Variants in SPATS2L observed in about 807,000 individuals in gnomAD.
SPATS2L encodes spermatogenesis associated serine rich 2 like, also known as SPATS2-like protein.
Under a neutral mutation model 59.6 loss-of-function variants are expected in SPATS2L, and 30 were observed. The ratio of observed to expected loss-of-function variants is 0.50; its 90% CI spans 0.38 to 0.68. SPATS2L has a LOEUF of 0.68. SPATS2L is among the 30% of genes least tolerant of loss of function. The pLI is 0.00. For missense variants in SPATS2L, 615 were observed against 700.0 expected (o/e 0.88, Z 1.37); for synonymous variants, 252 against 263.5 (o/e 0.96, Z 0.42).
rs536019267 is a variant in SPATS2L at position 200,347,711 on chromosome 2, A to C, written c.-23+18231A>C. Reference sequence around the variant, plus strand: ...GGGGGTGGATGGATACTGAATGATCATACTACAAATGTCCACCCCACCAAG... The same window carrying C: ...GGGGGTGGATGGATACTGAATGATCCTACTACAAATGTCCACCCCACCAAG... On this transcript the variant is annotated intron_variant, in intron 2 of 12. Coordinates refer to ENST00000409140, the MANE Select transcript of SPATS2L (RefSeq NM_001100423.2). Among the ~76,000 whole-genome samples the C allele has an allele frequency of 2.6e-5, 4 of 152,346 alleles. No homozygotes were observed. The South Asian group carries it at 8.3e-4, about 32-fold the overall frequency.
At chr2:200,308,977 G>T in intron 1 of SPATS2L, 1 of 712,852 alleles carries the variant, frequency 1.4e-6, no homozygotes, top group South Asian at 1.5e-5. Context: ...CTGTGGGCTT[G>T]AGAAGCTGCT....
At chr2:200,431,981 T>C (rs913748338) in intron 6 of SPATS2L, among the ~76,000 whole-genome samples, 8 of 152,252 alleles carry the variant, frequency 5.3e-5, no homozygotes, top group Admixed American at 4.6e-4. Flanking sequence ...ATGAAAACAA[T>C]TGCAGGCACT....
At chr2:200,473,236 G>A (rs542192533) in intron 12 of SPATS2L, among the ~76,000 whole-genome samples, 184 bp downstream of exon 12, 65 of 152,186 alleles carry the variant, frequency 4.3e-4, no homozygotes, top group African/African-American at 1.3e-3. Context: ...TCCCCTGGTC[G>A]CTCTCATCCA....
chr2:200,329,762 A>G (rs116672448), intron 2 of SPATS2L, among the ~76,000 whole-genome samples: 2,221 of 149,360 alleles, frequency 0.015, 53 homozygotes, highest in African/African-American at 0.048. Context: ...TTTCATGCAT[A>G]TGAAATACTT....
intron 2 of SPATS2L, among the ~76,000 whole-genome samples, chr2:200,352,347 A>G (rs1317235131): frequency 3.8e-5 from 1 of 25,996 alleles, no homozygotes; most frequent in Admixed American, 7.3e-4. Context: ...ATATATATAT[A>G]TATATATATA....
At chr2:200,445,538 G>C (rs1236746250) in intron 8 of SPATS2L, among the ~76,000 whole-genome samples, 1 of 152,174 alleles carries the variant, frequency 6.6e-6, no homozygotes. Flanking sequence ...ACTTTTCCTA[G>C]GATGTGATCT....
intron 4 of SPATS2L, 62 bp from the exon 5 acceptor site, chr2:200,416,317 A>T: frequency 1.4e-5 from 11 of 762,024 alleles, no homozygotes; most frequent in African/African-American, 1.8e-5. Flanking sequence ...AAAGACAGAG[A>T]TGAATTTTGT....
At chr2:200,456,481 G>A (rs3769435) in intron 8 of SPATS2L, among the ~76,000 whole-genome samples, 63,486 of 152,048 alleles carry the variant, frequency 0.42, 13,947 homozygotes, top group East Asian at 0.58. Context: ...ACTAACCATT[G>A]TATATAAATG....
intron 10 of SPATS2L, among the ~76,000 whole-genome samples, chr2:200,468,336 A>T (rs1342086405): frequency 6.7e-6 from 1 of 149,434 alleles, no homozygotes; most frequent in Non-Finnish European, 1.5e-5. Context: ...CCACTTTTTC[A>T]CCCAGTATAC....
intron 2 of SPATS2L, among the ~76,000 whole-genome samples, chr2:200,388,408 C>T (rs943030970): frequency 6.6e-6 from 1 of 151,802 alleles, no homozygotes; most frequent in Non-Finnish European, 1.5e-5. Context: ...CTTGTCTCTA[C>T]AAAAAATACA....
At chr2:200,390,164 T>A (rs1237195271) in intron 3 of SPATS2L, 1 of 152,252 alleles carries the variant, frequency 6.6e-6, no homozygotes, top group African/African-American at 2.4e-5. Flanking sequence ...CATCTCTTTG[T>A]ATCCTCACCA....
At chr2:200,450,998 A>G (rs929207552) in intron 8 of SPATS2L, among the ~76,000 whole-genome samples, 1 of 152,142 alleles carries the variant, frequency 6.6e-6, no homozygotes, top group Non-Finnish European at 1.5e-5. Flanking sequence ...AAGAAAGAAC[A>G]TATGTGCTCA....
intron 3 of SPATS2L, among the ~76,000 whole-genome samples, chr2:200,400,720 C>G (rs545748159): frequency 2.6e-5 from 4 of 152,216 alleles, no homozygotes; most frequent in African/African-American, 9.6e-5. Flanking sequence ...ATCTCTTACT[C>G]TATAAGTCAT....
intron 6 of SPATS2L, among the ~76,000 whole-genome samples, chr2:200,436,868 A>C (rs930158809): frequency 2.6e-5 from 4 of 152,114 alleles, no homozygotes; most frequent in African/African-American, 9.7e-5. Flanking sequence ...GCCCAGTGGG[A>C]GGTGATTGGA....
chr2:200,434,478 C>G (rs1170622220), intron 6 of SPATS2L, among the ~76,000 whole-genome samples: 3 of 151,552 alleles, frequency 2.0e-5, no homozygotes, highest in Non-Finnish European at 4.4e-5. Flanking sequence ...CTTAAGAAAT[C>G]TACAAAAAAA....
intron 2 of SPATS2L, among the ~76,000 whole-genome samples, chr2:200,332,380 G>A (rs2079974414): frequency 2.0e-5 from 3 of 152,036 alleles, no homozygotes; most frequent in Admixed American, 6.6e-5. Context: ...GTGTAGCTGG[G>A]ACCACAGGTG....
intron 3 of SPATS2L, chr2:200,393,366 A>G (rs1399817683): frequency 4.4e-6 from 2 of 456,406 alleles, no homozygotes; most frequent in Non-Finnish European, 8.8e-6. Context: ...TAGCACACAG[A>G]TCACAGAGGT....
chr2:200,449,094 C>T (rs2085263621), intron 8 of SPATS2L, among the ~76,000 whole-genome samples: 1 of 152,188 alleles, frequency 6.6e-6, no homozygotes, highest in African/African-American at 2.4e-5. Context: ...CAAATCTTGC[C>T]TCATTTGTGA....
At chr2:200,361,263 C>T (rs2081097771) in intron 2 of SPATS2L, among the ~76,000 whole-genome samples, 1 of 152,024 alleles carries the variant, frequency 6.6e-6, no homozygotes, top group Admixed American at 6.6e-5. Context: ...CACAAACCAA[C>T]TTAATGTCAT....
Sources: gnomAD v4.1 joint callset for allele counts (sites outside exome capture counted in the v4.1 genomes callset) on GRCh38, gnomAD v4.1.1 for gene constraint, MANE v1.5 for transcripts, NCBI Gene and HGNC (gene_info 2026-07-23, HGNC 2026-07-21) for gene names.